ARHGEF11: variants seen among roughly 807,000 people sequenced by gnomAD.
ARHGEF11 encodes the protein Rho guanine exchange factor (GEF) 11.
Under a neutral mutation model 193.7 loss-of-function variants are expected in ARHGEF11, and 55 were observed. That is an observed-to-expected ratio of 0.28 (90% confidence interval 0.23 to 0.36). The LOEUF (loss-of-function observed/expected upper bound fraction) is 0.36. Ranked by LOEUF, ARHGEF11 falls within the 10% of genes least tolerant of loss-of-function variation. The pLI, the probability that ARHGEF11 is intolerant of heterozygous loss-of-function variation, is 1.00. For synonymous variants in ARHGEF11, 693 were observed against 768.0 expected (o/e 0.90, Z 1.62); for missense variants, 1,723 against 2,005.6 (o/e 0.86, Z 2.69).
At chr1:156,993,583 C>A (rs1270999739) in intron 1 of ARHGEF11, among the ~76,000 whole-genome samples, 3 of 152,154 alleles carry the variant, frequency 2.0e-5, no homozygotes, top group African/African-American at 7.2e-5. Flanking sequence ...AGACACCCTA[C>A]CAGGACCTTA....
chr1:156,993,602 T>TA, intron 1 of ARHGEF11, among the ~76,000 whole-genome samples: 1 of 152,262 alleles, frequency 6.6e-6, no homozygotes, highest in South Asian at 2.1e-4. Flanking sequence ...TAGCTCCAGA[T>TA]AAAGTCCATA....
At chr1:156,942,616 C>T in intron 33 of ARHGEF11, 74 bp downstream of exon 33, 1 of 1,396,012 alleles carries the variant, frequency 7.2e-7, no homozygotes, top group Non-Finnish European at 1.0e-6. Flanking sequence ...GGCCTTGCTA[C>T]CCACTGTCCT....
intron 1 of ARHGEF11, among the ~76,000 whole-genome samples, chr1:157,037,754 T>G (rs907221201): frequency 2.0e-5 from 3 of 152,068 alleles, no homozygotes; most frequent in Non-Finnish European, 4.4e-5. Flanking sequence ...CTTGAGGCCA[T>G]GCACGGTGGC....
rs1476302458 is a variant in ARHGEF11 at position 156,951,802 on chromosome 1, G to A, written c.1799-103C>T. On this transcript the variant is annotated intron_variant, in intron 21 of 40. Coordinates refer to ENST00000368194, the MANE Select transcript of ARHGEF11 (RefSeq NM_198236.3). ...CCAGAAGACAGAGCAATGAGCAAGC[G>A]TGGATGAGAACAGCACTGGACCAAG... The A allele has an allele frequency of 4.1e-6, 6 of 1,477,444 alleles. No individual in the cohort carries two copies. The Admixed American group carries it at 8.8e-5, about 22-fold the overall frequency. 91.5% of individuals were successfully genotyped at this position (1,477,444 alleles called of 1,614,324 possible). A position where few individuals can be genotyped will look rare whatever the true frequency, so the allele number is the denominator to read the frequency against.
At chr1:156,941,746 C>T (rs1169368179) in intron 34 of ARHGEF11, 118 bp downstream of exon 34, 1 of 1,431,480 alleles carries the variant, frequency 7.0e-7, no homozygotes, top group Non-Finnish European at 9.4e-7. Context: ...CTGTCTGCTC[C>T]CTGCTAGCAT....
At chr1:156,980,781 T>C (rs1664025546) in intron 3 of ARHGEF11, among the ~76,000 whole-genome samples, 1 of 135,988 alleles carries the variant, frequency 7.4e-6, no homozygotes, top group African/African-American at 2.8e-5. Flanking sequence ...AGAGCACGTG[T>C]GCTTCATTCG....
intron 1 of ARHGEF11, among the ~76,000 whole-genome samples, chr1:157,043,589 G>A (rs926973847): frequency 3.9e-5 from 6 of 152,234 alleles, no homozygotes; most frequent in Non-Finnish European, 8.8e-5. Context: ...TCCAGGCAGA[G>A]GGAAGGCCCA....
chr1:157,035,892 G>T (rs4061789), intron 1 of ARHGEF11, among the ~76,000 whole-genome samples: 872 of 46,294 alleles, frequency 0.019, 102 homozygotes, highest in South Asian at 0.043. Context: ...AATATATATA[G>T]GAATATATAT....
intron 1 of ARHGEF11, among the ~76,000 whole-genome samples, chr1:157,029,261 T>TCTGTTG (rs1671015760): frequency 4.0e-5 from 6 of 150,304 alleles, no homozygotes; most frequent in Non-Finnish European, 8.8e-5. Context: ...TTTGGTGGTT[T>TCTGTTG]TTGTTGTTGT....
chr1:157,041,284 TTAA>T (rs1374685113), intron 1 of ARHGEF11, among the ~76,000 whole-genome samples: 2 of 152,122 alleles, frequency 1.3e-5, no homozygotes, highest in Non-Finnish European at 2.9e-5. Flanking sequence ...GGAATATATA[TTAA>T]TGGGCAGTAA....
At chr1:156,936,295 C>T in intron 40 of ARHGEF11, 1 of 693,706 alleles carries the variant, frequency 1.4e-6, no homozygotes, top group Non-Finnish European at 2.7e-6. Context: ...TATGACATAG[C>T]TGTGTCCCTG....
intron 35 of ARHGEF11, 89 bp from the exon 36 acceptor site, chr1:156,940,514 G>A: frequency 8.3e-7 from 1 of 1,203,790 alleles, no homozygotes; most frequent in Non-Finnish European, 1.1e-6. Context: ...CCAAGGGGCT[G>A]GGAACACTGA....
intron 7 of ARHGEF11, among the ~76,000 whole-genome samples, chr1:156,972,190 C>CT (rs761705722): frequency 1.4e-4 from 22 of 152,164 alleles, no homozygotes; most frequent in East Asian, 1.9e-4. Flanking sequence ...AAGAGGGAAC[C>CT]TACACACAAT....
intron 1 of ARHGEF11, among the ~76,000 whole-genome samples, chr1:157,029,159 C>A (rs1384633325): frequency 6.8e-6 from 1 of 146,628 alleles, no homozygotes; most frequent in Non-Finnish European, 1.5e-5. Flanking sequence ...TGAAGTGAGA[C>A]CCTGTCTCAA....
chr1:157,038,956 G>A (rs1672402164), intron 1 of ARHGEF11, among the ~76,000 whole-genome samples: 1 of 152,080 alleles, frequency 6.6e-6, no homozygotes, highest in Non-Finnish European at 1.5e-5. Flanking sequence ...GGAGGTCAAG[G>A]CTGCAGTGAG....
At chr1:157,023,113 A>C (rs905827858) in intron 1 of ARHGEF11, among the ~76,000 whole-genome samples, 1 of 152,236 alleles carries the variant, frequency 6.6e-6, no homozygotes, top group Non-Finnish European at 1.5e-5. Flanking sequence ...CATGACACCA[A>C]AAGCATAGCA....
At chr1:156,936,435 C>T (rs537500866) in intron 40 of ARHGEF11, among the ~76,000 whole-genome samples, 2 of 139,296 alleles carry the variant, frequency 1.4e-5, no homozygotes, top group East Asian at 4.2e-4. Context: ...AGTTTGAGAC[C>T]AGCCTGGGCA....
chr1:156,954,312 G>A (rs1407067606), intron 21 of ARHGEF11, among the ~76,000 whole-genome samples: 9 of 139,564 alleles, frequency 6.4e-5, no homozygotes, highest in Non-Finnish European at 6.1e-5. Context: ...CCTGGGAGGC[G>A]GAGTTTGTAG....
intron 18 of ARHGEF11, among the ~76,000 whole-genome samples, chr1:156,957,319 G>C (rs1230370341): frequency 6.6e-6 from 1 of 152,002 alleles, no homozygotes; most frequent in East Asian, 1.9e-4. Context: ...GAAAAACAAT[G>C]AGATAAATAT....
Sources: gnomAD v4.1 joint callset for allele counts (sites outside exome capture counted in the v4.1 genomes callset) on GRCh38, gnomAD v4.1.1 for gene constraint, MANE v1.5 for transcripts, NCBI Gene and HGNC (gene_info 2026-07-23, HGNC 2026-07-21) for gene names.